NCKAP5: variants seen among roughly 807,000 people sequenced by gnomAD.
NCKAP5 encodes the protein nck-associated protein 5.
In NCKAP5, 92 loss-of-function variants were observed where a neutral mutation model predicts 167.0. That is an observed-to-expected ratio of 0.55 (90% CI 0.47 to 0.66). NCKAP5 has a LOEUF of 0.66. NCKAP5 is among the 30% of genes least tolerant of loss of function. The pLI is 0.00. For synonymous variants in NCKAP5, 891 were observed against 877.4 expected (o/e 1.02, Z -0.27); for missense variants, 2,378 against 2,315.0 (o/e 1.03, Z -0.56).
chr2:132,847,555 A>G (rs16842380), intron 11 of NCKAP5, among the ~76,000 whole-genome samples: 11,994 of 152,264 alleles, frequency 0.079, 953 homozygotes, highest in African/African-American at 0.19. Context: ...GCTTTTGGCA[A>G]TGCTGCATTA....
chr2:133,089,809 A>C (rs139821868), intron 6 of NCKAP5, among the ~76,000 whole-genome samples: 171 of 152,196 alleles, frequency 1.1e-3, no homozygotes, highest in Middle Eastern at 6.8e-3. Flanking sequence ...ATCATAACAC[A>C]CCCATGATAA....
At chr2:133,463,903 C>T (rs141281716) in intron 3 of NCKAP5, among the ~76,000 whole-genome samples, 180 of 152,308 alleles carry the variant, frequency 1.2e-3, no homozygotes, top group Middle Eastern at 3.4e-3. Flanking sequence ...GTTCTTGCAT[C>T]AGATATTATC....
At chr2:133,120,103 G>T (rs2082204425) in intron 6 of NCKAP5, among the ~76,000 whole-genome samples, 2 of 152,292 alleles carry the variant, frequency 1.3e-5, no homozygotes, top group South Asian at 4.2e-4. Flanking sequence ...TTGAGAAAAT[G>T]CATGCTGTCA....
intron 4 of NCKAP5, among the ~76,000 whole-genome samples, chr2:133,238,597 A>G (rs189710438): frequency 6.6e-6 from 1 of 152,264 alleles, no homozygotes; most frequent in East Asian, 1.9e-4. Flanking sequence ...TCTCTCCTAA[A>G]CGACTTCTGG....
chr2:133,574,028 G>C, the NCKAP5 span, among the ~76,000 whole-genome samples: 1 of 152,134 alleles, frequency 6.6e-6, no homozygotes, highest in Non-Finnish European at 1.5e-5. Flanking sequence ...AATTTTGTGT[G>C]CCCCGATTGT....
At chr2:132,930,647 T>A (rs1456506001) in intron 8 of NCKAP5, 1 of 152,200 alleles carries the variant, frequency 6.6e-6, no homozygotes, top group Admixed American at 6.5e-5. Context: ...CTTTCCTGGT[T>A]TTCCAGCTGC....
intron 5 of NCKAP5, among the ~76,000 whole-genome samples, chr2:133,209,721 A>G (rs1574388575): frequency 1.3e-5 from 2 of 152,142 alleles, no homozygotes; most frequent in East Asian, 3.9e-4. Context: ...GTTTAATTGT[A>G]GTAGTATACC....
chr2:133,072,204 C>A (rs2080437221), intron 6 of NCKAP5, among the ~76,000 whole-genome samples: 1 of 152,042 alleles, frequency 6.6e-6, no homozygotes, highest in Admixed American at 6.6e-5. Context: ...CCTGCCTCAG[C>A]CTTCATGAGA....
chr2:133,335,911 T>C (rs1041848681), intron 3 of NCKAP5, among the ~76,000 whole-genome samples: 3 of 152,194 alleles, frequency 2.0e-5, no homozygotes, highest in Non-Finnish European at 4.4e-5. Flanking sequence ...CTAGTCAGGC[T>C]TCCTATTTGA....
intron 3 of NCKAP5, among the ~76,000 whole-genome samples, chr2:133,367,547 T>C (rs1230609269): frequency 6.6e-6 from 1 of 152,188 alleles, no homozygotes; most frequent in Non-Finnish European, 1.5e-5. Flanking sequence ...GTGCTGATTT[T>C]AGTTACAAGG....
At chr2:133,580,002 T>C in the NCKAP5 span, among the ~76,000 whole-genome samples, 1 of 152,228 alleles carries the variant, frequency 6.6e-6, no homozygotes, top group African/African-American at 2.4e-5. Context: ...TGTTTTCTTT[T>C]ACTTTTATTC....
At chr2:133,238,429 T>C (rs2087526064) in intron 4 of NCKAP5, among the ~76,000 whole-genome samples, 1 of 152,172 alleles carries the variant, frequency 6.6e-6, no homozygotes, top group African/African-American at 2.4e-5. Flanking sequence ...ATTCTCTCTA[T>C]GACTAACTAT....
rs1299325562 is a variant in NCKAP5, at chr2:133,300,356, G to A, written c.143+2681C>T. Among the ~76,000 whole-genome samples, 307 of 133,096 alleles carry A rather than the reference G, an allele frequency of 2.3e-3. 30 individuals are homozygous for A. The highest frequency in any genetic ancestry group is 3.1e-3 in the Non-Finnish European group (198 of 63,596). The allele number at this position is 133,096 out of a possible 152,430, so 87.3% of individuals were successfully genotyped here. A position where few individuals can be genotyped will look rare whatever the true frequency, so the allele number is the denominator to read the frequency against. ...AGAATTTTAGACGAATATCCTTGAT[G>A]AACACTGATGCAAAAATCCTCAATA... On this transcript the variant is annotated intron_variant, in intron 4 of 19. Transcript: ENST00000409261.
intron 4 of NCKAP5, among the ~76,000 whole-genome samples, chr2:133,252,633 T>C (rs987509886): frequency 1.3e-5 from 2 of 152,112 alleles, no homozygotes; most frequent in Non-Finnish European, 2.9e-5. Context: ...CAAAAGAAGG[T>C]GCCCTAAGAT....
chr2:133,081,259 T>C (rs2080796113), intron 6 of NCKAP5, among the ~76,000 whole-genome samples: 1 of 152,206 alleles, frequency 6.6e-6, no homozygotes, highest in Non-Finnish European at 1.5e-5. Context: ...ATCTCCTCAC[T>C]TCTGATTCTA....
intron 3 of NCKAP5, among the ~76,000 whole-genome samples, chr2:133,473,710 A>T (rs1679567090): frequency 6.6e-6 from 1 of 152,238 alleles, no homozygotes; most frequent in Non-Finnish European, 1.5e-5. Context: ...ATTACCAACT[A>T]TATGTGGTTT....
chr2:133,037,858 T>C (rs2079087410), intron 6 of NCKAP5, among the ~76,000 whole-genome samples: 1 of 152,074 alleles, frequency 6.6e-6, no homozygotes, highest in African/African-American at 2.4e-5. Context: ...GAAGAGACAA[T>C]CCATGGAATG....
chr2:132,886,257 T>A (rs1229312569), intron 8 of NCKAP5, among the ~76,000 whole-genome samples: 1 of 152,328 alleles, frequency 6.6e-6, no homozygotes, highest in East Asian at 1.9e-4. Context: ...AGGTTAACTA[T>A]TTTACCACAT....
chr2:133,218,808 T>C (rs2086537963), intron 4 of NCKAP5, among the ~76,000 whole-genome samples: 2 of 152,180 alleles, frequency 1.3e-5, no homozygotes, highest in African/African-American at 2.4e-5. Context: ...CATCACTACT[T>C]TATGCTTAAA....
Sources: allele counts gnomAD v4.1 joint callset (sites outside exome capture counted in the v4.1 genomes callset), GRCh38; gene constraint gnomAD v4.1.1; transcripts MANE v1.5; gene names NCBI Gene and HGNC (gene_info 2026-07-23, HGNC 2026-07-21).